RNF149: variants seen among roughly 807,000 people sequenced by gnomAD.
RNF149 encodes E3 ubiquitin-protein ligase RNF149.
In RNF149, 21 loss-of-function variants were observed where a neutral mutation model predicts 39.0. That is an observed-to-expected ratio of 0.54 (90% CI 0.38 to 0.77). The LOEUF is 0.77. RNF149 is among the 30% of genes least tolerant of loss of function. RNF149 has a pLI of 0.00. For synonymous variants in RNF149, 209 were observed against 213.6 expected (o/e 0.98, Z 0.19); for missense variants, 493 against 534.9 (o/e 0.92, Z 0.77).
chr2:101,280,227 A>G (rs1463042764), intron 6 of RNF149, among the ~76,000 whole-genome samples: 1 of 151,590 alleles, frequency 6.6e-6, no homozygotes, highest in Non-Finnish European at 1.5e-5. Flanking sequence ...ATAATGTAGA[A>G]TAGTCCAGAA....
At chr2:101,278,284 T>C (rs1682427813) in intron 6 of RNF149, among the ~76,000 whole-genome samples, 1 of 152,014 alleles carries the variant, frequency 6.6e-6, no homozygotes, top group African/African-American at 2.4e-5. Context: ...CCCAGAGAGC[T>C]AGGACTACAG....
intron 1 of RNF149, among the ~76,000 whole-genome samples, chr2:101,306,558 C>T (rs955656217): frequency 6.6e-6 from 1 of 152,158 alleles, no homozygotes; most frequent in African/African-American, 2.4e-5. Context: ...GTCCTTGGAC[C>T]GCCTGTGACC....
chr2:101,279,041 T>C (rs1159298409), intron 6 of RNF149, among the ~76,000 whole-genome samples: 4 of 152,370 alleles, frequency 2.6e-5, no homozygotes, highest in Non-Finnish European at 5.9e-5. Context: ...AATGCCTGAT[T>C]TTTCTAATTT....
downstream of RNF149, among the ~76,000 whole-genome samples, chr2:101,275,172 C>A (rs1682289295): frequency 1.7e-5 from 2 of 118,040 alleles, no homozygotes; most frequent in Non-Finnish European, 1.6e-5. Context: ...GGCTGGAGTG[C>A]AGTAGCGCAA....
chr2:101,277,577 T>C (rs917585215), intron 6 of RNF149, among the ~76,000 whole-genome samples: 2 of 152,128 alleles, frequency 1.3e-5, no homozygotes, highest in Non-Finnish European at 2.9e-5. Context: ...TTAGTAGAGA[T>C]GAGGTTTCAC....
intron 4 of RNF149, 32 bp from the exon 5 acceptor site, chr2:101,286,209 A>T (rs772219297): frequency 8.0e-7 from 1 of 1,254,056 alleles, no homozygotes; most frequent in Non-Finnish European, 1.2e-6. Context: ...TAATGTTTTT[A>T]AAATCAATGT....
chr2:101,305,605 G>A lies in RNF149; in HGVS notation c.460+2524C>T, dbSNP rs150992380. Among the ~76,000 whole-genome samples the A allele has an allele frequency of 4.4e-4, 67 of 152,264 alleles. No individual in the cohort carries two copies. The East Asian group carries it at 0.01, about 23-fold the overall frequency. On this transcript the variant is annotated intron_variant, in intron 1 of 6. Transcript: ENST00000295317. Reference sequence around the variant, plus strand: ...GAGACATCTTTGATTGTCAGAAGTGGAATTTAGTGGGTGGAGGCCAGGGAT... The same window carrying A: ...GAGACATCTTTGATTGTCAGAAGTGAAATTTAGTGGGTGGAGGCCAGGGAT...
In RNF149 at chr2:101,282,160, T is replaced by TTAC. The variant is rs1237507126; in HGVS notation, c.961-104_961-103insGTA. The TTAC allele has an allele frequency of 4.2e-3, 6,266 of 1,486,774 alleles. 130 individuals carry two copies. Among genetic ancestry groups the TTAC allele is most frequent in the South Asian group, 0.039 (2,926 of 74,866 alleles). 92.1% of individuals were successfully genotyped at this position (1,486,774 alleles called of 1,614,324 possible). A position where few individuals can be genotyped will look rare whatever the true frequency, so the allele number is the denominator to read the frequency against. On this transcript the variant is annotated intron_variant, in intron 5 of 6. Coordinates refer to ENST00000295317, the MANE Select transcript of RNF149 (RefSeq NM_173647.4). ...ATTCACACACAATATTACGTACTTC[T>TTAC]GTACAATGAATCTGGCAAAAAGCAC... is the stretch of plus-strand genomic sequence containing the variant.
At chr2:101,291,270 C>T (rs1294623199) in intron 3 of RNF149, among the ~76,000 whole-genome samples, 1 of 152,030 alleles carries the variant, frequency 6.6e-6, no homozygotes, top group Non-Finnish European at 1.5e-5. Context: ...CCTGCCTCAG[C>T]CTCCTGAGTT....
chr2:101,308,615 GA>G lies in RNF149; in HGVS notation c.-28del. On this transcript the variant is annotated 5_prime_UTR_variant, in exon 1 of 7. Coordinates refer to ENST00000295317, the MANE Select transcript of RNF149 (RefSeq NM_173647.4). ...GCAGCACCGCTGAGCTGACTAGGGG[GA>G]GTCAGGGTCACGCGCGAGTGCGGTG... is the stretch of plus-strand genomic sequence containing the variant. 2 of 1,490,638 alleles carry G rather than the reference GA, an allele frequency of 1.3e-6. No individual in the cohort carries two copies. Among genetic ancestry groups the G allele is most frequent in the Non-Finnish European group, 8.9e-7 (1 of 1,128,984 alleles). 92.3% of individuals were successfully genotyped at this position (1,490,638 alleles called of 1,614,324 possible).
chr2:101,295,639 C>T (rs144395210), intron 1 of RNF149, among the ~76,000 whole-genome samples: 6 of 145,658 alleles, frequency 4.1e-5, no homozygotes, highest in African/African-American at 1.5e-4. Context: ...CCAGCCCGGG[C>T]GACAGTGCGA....
intron 1 of RNF149, among the ~76,000 whole-genome samples, chr2:101,297,346 C>T (rs763320193): frequency 2.0e-5 from 3 of 151,846 alleles, no homozygotes; most frequent in Admixed American, 6.6e-5. Context: ...AAAATAAAAA[C>T]GGTTTTTTGT....
In RNF149 at chr2:101,305,850, G is replaced by A. The variant is rs77036314; in HGVS notation, c.460+2279C>T. 4.3e-3 allele frequency among the ~76,000 whole-genome samples: 650 copies of A among 152,268 alleles called. 17 individuals carry two copies. In the East Asian group the frequency reaches 0.062, roughly 15 times the overall value. On this transcript the variant is annotated intron_variant, in intron 1 of 6. Transcript: ENST00000295317. ...CAGTTTCCTCATCTGTATGTACTCCGTGATCAAATACCTTCCTTAAAGGCT... is the reference window on the plus strand; with the variant it reads ...CAGTTTCCTCATCTGTATGTACTCCATGATCAAATACCTTCCTTAAAGGCT...
At chr2:101,299,481 T>A (rs887764360) in intron 1 of RNF149, among the ~76,000 whole-genome samples, 2 of 152,152 alleles carry the variant, frequency 1.3e-5, no homozygotes, top group Admixed American at 1.3e-4. Flanking sequence ...TTTCTAAACA[T>A]CTAGTAGTTA....
rs368050637 is a variant in RNF149 at position 101,276,771 on chromosome 2, TA to T, written c.*466del. On this transcript the variant is annotated 3_prime_UTR_variant, in exon 7 of 7. Coordinates refer to ENST00000295317, the MANE Select transcript of RNF149 (RefSeq NM_173647.4). Reference sequence around the variant, plus strand: ...TCTCAGTTTACAAGTTTCAAGTTCTTAAAAAAAAAACAACAAAAAAAACCTT... The same window carrying T: ...TCTCAGTTTACAAGTTTCAAGTTCTTAAAAAAAAACAACAAAAAAAACCTT... 1.1e-4 allele frequency: 97 copies of T among 901,428 alleles called. No homozygotes were observed. Among genetic ancestry groups the T allele is most frequent in the Admixed American group, 4.9e-4 (8 of 16,484 alleles). 55.8% of individuals were successfully genotyped at this position (901,428 alleles called of 1,614,324 possible).
chr2:101,299,100 G>A (rs1683351816), intron 1 of RNF149, among the ~76,000 whole-genome samples: 1 of 152,230 alleles, frequency 6.6e-6, no homozygotes, highest in African/African-American at 2.4e-5. Context: ...AGGTTGCAGT[G>A]AGCCAAAATC....
intron 1 of RNF149, among the ~76,000 whole-genome samples, chr2:101,304,471 T>C (rs991595870): frequency 2.0e-5 from 3 of 152,170 alleles, no homozygotes; most frequent in Admixed American, 1.3e-4. Flanking sequence ...ACTGGAATTA[T>C]ATGAGGTCCA....
In RNF149 at chr2:101,290,504, C is replaced by T. The variant is rs1053094601; in HGVS notation, c.781-1449G>A. Among the ~76,000 whole-genome samples the T allele has an allele frequency of 2.0e-5, 3 of 151,836 alleles. No individual in the cohort carries two copies. In the East Asian group the frequency reaches 5.8e-4, roughly 29 times the overall value. On this transcript the variant is annotated intron_variant, in intron 3 of 6. Coordinates refer to ENST00000295317, the MANE Select transcript of RNF149 (RefSeq NM_173647.4). The stretch of plus-strand genomic sequence containing the variant: ...AGTGCTGTAGAAATGCAAATGTCTG[C>T]TATATTATAAAATAAACTATTTTTC...
intron 1 of RNF149, among the ~76,000 whole-genome samples, chr2:101,297,176 T>C (rs1683264779): frequency 6.6e-6 from 1 of 151,636 alleles, no homozygotes; most frequent in African/African-American, 2.4e-5. Context: ...GCCACTGCAC[T>C]CCAGCCTGGG....
Sources: allele counts gnomAD v4.1 joint callset (sites outside exome capture counted in the v4.1 genomes callset), GRCh38; gene constraint gnomAD v4.1.1; transcripts MANE v1.5; gene names NCBI Gene and HGNC (gene_info 2026-07-23, HGNC 2026-07-21).